Variants in TTC29 observed in about 807,000 individuals in gnomAD.
The protein encoded by TTC29 is tetratricopeptide repeat domain 29, also known as tetratricopeptide repeat protein 29.
TTC29 carries 49 observed loss-of-function variants against 58.1 expected under a neutral mutation model. That is an observed-to-expected ratio of 0.84 (90% CI 0.67 to 1.07). The LOEUF is 1.07. Ranked by LOEUF, TTC29 falls within the 50% of genes least tolerant of loss-of-function variation. TTC29 has a pLI of 0.00. For synonymous variants in TTC29, 209 were observed against 196.8 expected, an observed-to-expected ratio of 1.06 and a Z score of -0.52; for missense variants, 582 against 555.6, an observed-to-expected ratio of 1.05 and a Z score of -0.48.
At chr4:146,803,970 G>A (rs1383530424) in intron 10 of TTC29, among the ~76,000 whole-genome samples, 6 of 152,176 alleles carry the variant, frequency 3.9e-5, no homozygotes, top group African/African-American at 1.4e-4. Flanking sequence ...TGACTGAATA[G>A]GAACAGCTCT....
At chr4:146,860,557 C>A (rs1302115818) in intron 8 of TTC29, among the ~76,000 whole-genome samples, 2 of 151,992 alleles carry the variant, frequency 1.3e-5, no homozygotes, top group East Asian at 3.9e-4. Flanking sequence ...CATAGGCAGG[C>A]AGCATATACA....
chr4:146,800,332 C>T (rs1561136442), intron 11 of TTC29, among the ~76,000 whole-genome samples: 1 of 152,138 alleles, frequency 6.6e-6, no homozygotes, highest in Non-Finnish European at 1.5e-5. Context: ...AAGAATATTG[C>T]CTGCTCTCTG....
Position 146,707,133 on chromosome 4 carries a change from C to T in TTC29, c.*25G>A, listed in dbSNP as rs1199654282. ...AGGTGACATGATGGATTTCTTCTTG[C>T]TTTGATGTTAAGTGAAAAGCTGCTT... On this transcript the variant is annotated 3_prime_UTR_variant, in exon 13 of 13. Coordinates refer to ENST00000325106, the MANE Select transcript of TTC29 (RefSeq NM_031956.4). 3 of 1,512,916 alleles carry T rather than the reference C, an allele frequency of 2.0e-6. No homozygotes were observed. The Admixed American group carries it at 6.2e-5, about 31-fold the overall frequency. 93.7% of individuals were successfully genotyped at this position (1,512,916 alleles called of 1,614,324 possible). A position where few individuals can be genotyped will look rare whatever the true frequency, so the allele number is the denominator to read the frequency against.
At chr4:146,826,121 T>C (rs1306452036) in intron 9 of TTC29, among the ~76,000 whole-genome samples, 1 of 152,164 alleles carries the variant, frequency 6.6e-6, no homozygotes, top group Non-Finnish European at 1.5e-5. Flanking sequence ...TTAAGGTTAG[T>C]GTTGTTATGT....
intron 4 of TTC29, among the ~76,000 whole-genome samples, chr4:146,931,041 G>A (rs910241422): frequency 6.6e-6 from 1 of 152,058 alleles, no homozygotes; most frequent in Admixed American, 6.6e-5. Context: ...ATTACAACTT[G>A]AAATTTTCTT....
intron 10 of TTC29, 32 bp downstream of exon 10, chr4:146,820,093 T>A (rs763018639): frequency 1.2e-6 from 2 of 1,608,432 alleles, no homozygotes; most frequent in African/African-American, 1.3e-5. Context: ...ACACCGCAAA[T>A]TTCTCTATAA....
intron 8 of TTC29, among the ~76,000 whole-genome samples, chr4:146,855,417 T>C (rs1052315995): frequency 1.4e-5 from 2 of 141,674 alleles, no homozygotes; most frequent in Admixed American, 7.2e-5. Flanking sequence ...TGGGCGACAG[T>C]GAGAATCCAT....
chr4:146,783,586 C>T (rs1440825455), intron 11 of TTC29, among the ~76,000 whole-genome samples: 1 of 152,002 alleles, frequency 6.6e-6, no homozygotes, highest in Non-Finnish European at 1.5e-5. Flanking sequence ...ACATCTTTTC[C>T]TGACAGAAGC....
intron 8 of TTC29, among the ~76,000 whole-genome samples, chr4:146,866,158 T>A (rs1730548961): frequency 6.6e-6 from 1 of 152,176 alleles, no homozygotes; most frequent in African/African-American, 2.4e-5. Context: ...GAAAATTTAG[T>A]TTTCATTGTG....
chr4:146,726,252 C>T (rs1743774855), intron 11 of TTC29, among the ~76,000 whole-genome samples: 1 of 152,050 alleles, frequency 6.6e-6, no homozygotes, highest in South Asian at 2.1e-4. Flanking sequence ...CCAGGAGTTT[C>T]AGACCAGCCT....
At chr4:146,739,401 T>C (rs1744954183) in intron 11 of TTC29, among the ~76,000 whole-genome samples, 2 of 152,330 alleles carry the variant, frequency 1.3e-5, no homozygotes, top group South Asian at 4.1e-4. Flanking sequence ...GGAACTCCTC[T>C]AACACTTTCT....
intron 11 of TTC29, among the ~76,000 whole-genome samples, chr4:146,772,965 T>C (rs1223323589): frequency 6.6e-6 from 1 of 152,156 alleles, no homozygotes; most frequent in Non-Finnish European, 1.5e-5. Flanking sequence ...TTGTGTATTT[T>C]ATTCTTTTTG....
At chr4:146,771,727 T>G (rs1747743454) in intron 11 of TTC29, among the ~76,000 whole-genome samples, 1 of 152,178 alleles carries the variant, frequency 6.6e-6, no homozygotes, top group Admixed American at 6.5e-5. Context: ...AACATATGTA[T>G]GCATGTGTCT....
intron 10 of TTC29, 97 bp downstream of exon 10, chr4:146,820,028 G>T: frequency 6.7e-7 from 1 of 1,492,440 alleles, no homozygotes; most frequent in Non-Finnish European, 9.2e-7. Context: ...AATATATTGT[G>T]GGAAGACAAG....
intron 11 of TTC29, among the ~76,000 whole-genome samples, chr4:146,780,108 C>T (rs1748471786): frequency 6.6e-6 from 1 of 151,982 alleles, no homozygotes; most frequent in Admixed American, 6.6e-5. Context: ...TTTGAAATGT[C>T]AAGGATAGTA....
intron 4 of TTC29, among the ~76,000 whole-genome samples, chr4:146,933,489 G>A (rs1735505978): frequency 6.6e-6 from 1 of 152,126 alleles, no homozygotes; most frequent in Admixed American, 6.5e-5. Flanking sequence ...AAACAATAAT[G>A]CATTCTGATA....
intron 11 of TTC29, among the ~76,000 whole-genome samples, chr4:146,739,111 C>T (rs1230217254): frequency 1.3e-5 from 2 of 152,000 alleles, no homozygotes; most frequent in Non-Finnish European, 2.9e-5. Flanking sequence ...CTATGAATTT[C>T]CAATAATATT....
At position 146,726,843 on chromosome 4, in the gene TTC29, AG is replaced by A. The variant is rs1743822084; in HGVS notation, c.1331-19293del. 1.3e-5 allele frequency among the ~76,000 whole-genome samples: 2 copies of A among 152,122 alleles called. 1 individual carries two copies. The highest frequency in any genetic ancestry group is 4.1e-4 in the South Asian group (2 of 4,832). On this transcript the variant is annotated intron_variant, in intron 11 of 12. Transcript: ENST00000325106. ...AGAGTAAAGAAAATAATAGGCCCTA[AG>A]AATTCTGTAATTATTCTCTGTGGAT... is the stretch of plus-strand genomic sequence containing the variant.
At chr4:146,899,601 T>C (rs749949103) in intron 6 of TTC29, among the ~76,000 whole-genome samples, 28 of 152,128 alleles carry the variant, frequency 1.8e-4, no homozygotes, top group Admixed American at 6.5e-5. Context: ...CAAAGACCCA[T>C]TTTTAGCAGC....
Sources: gnomAD v4.1 joint callset for allele counts (sites outside exome capture counted in the v4.1 genomes callset) on GRCh38, gnomAD v4.1.1 for gene constraint, MANE v1.5 for transcripts, NCBI Gene and HGNC (gene_info 2026-07-23, HGNC 2026-07-21) for gene names.